DDO: variants seen among roughly 807,000 people sequenced by gnomAD.
The protein encoded by DDO is D-aspartate oxidase.
In DDO, 16 loss-of-function variants were observed where a neutral mutation model predicts 16.8. That is an observed-to-expected ratio of 0.95 (90% CI 0.65 to 1.45). DDO has a LOEUF of 1.45. Among genes scored for constraint, DDO ranks in the 40% most tolerant of loss-of-function variants. The probability of loss-of-function intolerance (pLI) is 0.00; values close to 1 mark genes in which losing one functional copy is unlikely to be tolerated. For missense variants in DDO, 429 were observed against 420.3 expected (o/e 1.02, Z -0.18); for synonymous variants, 180 against 167.2 (o/e 1.08, Z -0.59).
intron 4 of DDO, among the ~76,000 whole-genome samples, chr6:110,395,185 G>T (rs774810400): frequency 6.6e-6 from 1 of 152,158 alleles, no homozygotes; most frequent in African/African-American, 2.4e-5. Flanking sequence ...AAAGCTAATT[G>T]CCTTCTTTAA....
At chr6:110,391,290 G>GT (rs910640830), downstream of DDO, among the ~76,000 whole-genome samples, 1 of 150,810 alleles carries the variant, frequency 6.6e-6, no homozygotes, top group Non-Finnish European at 1.5e-5. Flanking sequence ...ATAACTTACT[G>GT]TATCATTTAA....
rs1259334858 is a variant in DDO at position 110,392,917 on chromosome 6, C to T, written c.884G>A (p.Gly295Glu). The T allele has an allele frequency of 8.7e-6, 14 of 1,614,254 alleles. No individual in the cohort carries two copies. The highest frequency in any genetic ancestry group is 1.2e-5 in the Non-Finnish European group (14 of 1,180,048). Reference protein sequence around the residue: ...RLQTELLARDGQRLPVVHHYG... With the variant: ...RLQTELLARDEQRLPVVHHYG... Reference sequence around the variant, plus strand: ...GTGGTGGACTACAGGCAGCCTCTGTCCATCTCGCGCAAGGAGCTCTGTCTG... The same window carrying T: ...GTGGTGGACTACAGGCAGCCTCTGTTCATCTCGCGCAAGGAGCTCTGTCTG... Residue 295 changes from glycine (G) to glutamate (E), a missense_variant, in exon 5 of 5, where the codon GGA becomes GAA. Coordinates refer to ENST00000368924, the MANE Select transcript of DDO (RefSeq NM_001372108.2).
intron 4 of DDO, 76 bp from the exon 5 acceptor site, chr6:110,393,418 C>T (rs946537980): frequency 3.0e-5 from 44 of 1,488,042 alleles, no homozygotes; most frequent in Middle Eastern, 2.0e-4. Flanking sequence ...AGAAAAGGAA[C>T]CCAGGAACAA....
chr6:110,413,777 CT>C (rs990038192), intron 1 of DDO, among the ~76,000 whole-genome samples: 6 of 151,946 alleles, frequency 3.9e-5, no homozygotes, highest in South Asian at 2.1e-4. Flanking sequence ...TCACCCTTCC[CT>C]TTTTTTTCCC....
chr6:110,388,777 G>A (rs1185655811), downstream of DDO: 1 of 982,404 alleles, frequency 1.0e-6, no homozygotes, highest in Non-Finnish European at 1.2e-6. Flanking sequence ...CTTGAAAGCA[G>A]AGATTTAAGA....
chr6:110,415,539 G>C lies in DDO; in HGVS notation c.-77C>G, dbSNP rs769365475. On this transcript the variant is annotated 5_prime_UTR_variant, in exon 1 of 5. Coordinates refer to ENST00000368924, the MANE Select transcript of DDO (RefSeq NM_001372108.2). Reference sequence around the variant, plus strand: ...AAACCTTGTTTCCCAGTGCCTGGCTGGTCTCATGCCCTGAGAGACAGAGAG... The same window carrying C: ...AAACCTTGTTTCCCAGTGCCTGGCTCGTCTCATGCCCTGAGAGACAGAGAG... 3 of 1,614,122 alleles carry C rather than the reference G, an allele frequency of 1.9e-6. No individual in the cohort carries two copies. The highest frequency in any genetic ancestry group is 2.5e-6 in the Non-Finnish European group (3 of 1,180,012).
intron 3 of DDO, among the ~76,000 whole-genome samples, chr6:110,407,616 A>T (rs556642768): frequency 6.6e-6 from 1 of 152,326 alleles, no homozygotes; most frequent in South Asian, 2.1e-4. Flanking sequence ...TGCACCAATG[A>T]CATGTATGTT....
chr6:110,414,461 C>A (rs1773975420), intron 1 of DDO, among the ~76,000 whole-genome samples: 1 of 152,230 alleles, frequency 6.6e-6, no homozygotes, highest in African/African-American at 2.4e-5. Context: ...ATAAAGGGGG[C>A]TCCTTGGGAG....
intron 4 of DDO, among the ~76,000 whole-genome samples, chr6:110,394,391 G>T (rs755483506): frequency 6.6e-5 from 10 of 152,170 alleles, no homozygotes; most frequent in African/African-American, 1.9e-4. Flanking sequence ...ATAGGCATGA[G>T]CCACCGTGCC....
intron 1 of DDO, among the ~76,000 whole-genome samples, chr6:110,414,202 A>G (rs929432181): frequency 6.6e-6 from 1 of 152,194 alleles, no homozygotes; most frequent in Non-Finnish European, 1.5e-5. Flanking sequence ...CCCATGAGCA[A>G]CTCAAAACTC....
At chr6:110,400,488 G>A (rs1433548118) in intron 4 of DDO, among the ~76,000 whole-genome samples, 1 of 152,178 alleles carries the variant, frequency 6.6e-6, no homozygotes, top group Non-Finnish European at 1.5e-5. Context: ...TGTGCTGGGG[G>A]GAGGCTGGCG....
At chr6:110,415,266 C>T (rs567508886) in intron 1 of DDO, among the ~76,000 whole-genome samples, 57 of 152,328 alleles carry the variant, frequency 3.7e-4, no homozygotes, top group African/African-American at 1.3e-3. Flanking sequence ...CTCAAAACAG[C>T]TCTAATAAAC....
chr6:110,398,136 A>C (rs1475922716), intron 4 of DDO, among the ~76,000 whole-genome samples: 1 of 152,070 alleles, frequency 6.6e-6, no homozygotes, highest in Non-Finnish European at 1.5e-5. Context: ...GGTTAGGGGC[A>C]CTCAAGAAGC....
At chr6:110,402,448 T>C (rs965640717) in intron 4 of DDO, among the ~76,000 whole-genome samples, 1 of 152,170 alleles carries the variant, frequency 6.6e-6, no homozygotes, top group Non-Finnish European at 1.5e-5. Flanking sequence ...GTGGATCACC[T>C]GAGGTCAGGA....
At chr6:110,390,654 C>G (rs1449736972), downstream of DDO, among the ~76,000 whole-genome samples, 2 of 152,176 alleles carry the variant, frequency 1.3e-5, no homozygotes, top group Admixed American at 6.5e-5. Context: ...AGGATCTGAA[C>G]CACAGGCATA....
chr6:110,399,645 G>A (rs890845240), intron 4 of DDO, among the ~76,000 whole-genome samples: 2 of 152,170 alleles, frequency 1.3e-5, no homozygotes, highest in East Asian at 1.9e-4. Context: ...ACGTGGCCTT[G>A]TTCCTCCACC....
intron 3 of DDO, 151 bp downstream of exon 3, chr6:110,408,183 G>T: frequency 1.7e-6 from 1 of 601,862 alleles, no homozygotes. Context: ...TCAGTTCTTT[G>T]GGGTAAAGCC....
rs1281606601 is a variant in DDO, at chr6:110,396,695, GTT to G, written c.459-3355_459-3354del. On this transcript the variant is annotated intron_variant, in intron 4 of 4. Transcript: ENST00000368924. ...AGAATGAAGCTGGAGCTACTGTTTT[GTT>G]TGTTTGTTTGTTTGTTTGTTTGTTT... is the stretch of plus-strand genomic sequence containing the variant. Among the ~76,000 whole-genome samples the G allele has an allele frequency of 3.2e-5, 4 of 123,482 alleles. No homozygotes were observed. In the East Asian group the frequency reaches 7.9e-4, roughly 24 times the overall value. The allele number at this position is 123,482 out of a possible 152,430, so 81.0% of individuals were successfully genotyped here. A position where few individuals can be genotyped will look rare whatever the true frequency, so the allele number is the denominator to read the frequency against.
At chr6:110,407,336 A>G (rs949489546) in intron 3 of DDO, among the ~76,000 whole-genome samples, 5 of 152,202 alleles carry the variant, frequency 3.3e-5, no homozygotes, top group African/African-American at 9.7e-5. Flanking sequence ...GAATCAATCC[A>G]TAGATTGATA....
Sources: gnomAD v4.1 joint callset for allele counts (sites outside exome capture counted in the v4.1 genomes callset) on GRCh38, gnomAD v4.1.1 for gene constraint, MANE v1.5 for transcripts, NCBI Gene and HGNC (gene_info 2026-07-23, HGNC 2026-07-21) for gene names.